The following RANBP9 variants were observed in gnomAD, a reference collection of about 807,000 sequenced individuals.
RANBP9 encodes the protein RAN binding protein 9, also known as ran-binding protein 9.
RANBP9 carries 15 observed loss-of-function variants against 84.3 expected under a neutral mutation model. The ratio of observed to expected loss-of-function variants is 0.18; its 90% CI spans 0.12 to 0.27. The LOEUF (loss-of-function observed/expected upper bound fraction) is 0.27, where lower values mean the gene tolerates loss of function less well. Among genes scored for constraint, RANBP9 ranks in the 10% least tolerant of loss-of-function variants. RANBP9 has a pLI of 1.00. For synonymous variants in RANBP9, 392 were observed against 349.6 expected, an observed-to-expected ratio of 1.12 and a Z score of -1.35; for missense variants, 809 against 912.8, an observed-to-expected ratio of 0.89 and a Z score of 1.46.
chr6:13,663,422 T>C (rs1379828972), intron 2 of RANBP9, among the ~76,000 whole-genome samples: 1 of 152,134 alleles, frequency 6.6e-6, no homozygotes. Context: ...CTTAAAAAAA[T>C]GCTCTTAATT....
chr6:13,639,601 T>C lies in RANBP9; in HGVS notation c.1487A>G (p.Asn496Ser). The change falls in exon 9 of 14, where the codon AAT becomes AGT. Residue 496 changes from asparagine (N) to serine (S), a missense_variant. Physicochemically the swap from Asn to Ser is conservative, Grantham distance 46. This residue lies in a region of RANBP9 where 216 missense variants were observed against 329.0 expected (regional missense o/e 0.66). Transcript: ENST00000011619. Reference protein sequence around the residue: ...MSPSHGMNIHNLASGKGSTAH... With the variant: ...MSPSHGMNIHSLASGKGSTAH... ...GGTGCTTCCTTTGCCTGATGCTAAATTGTGGATATTCATTCCATGGCTGGG... is the reference window on the plus strand; with the variant it reads ...GGTGCTTCCTTTGCCTGATGCTAAACTGTGGATATTCATTCCATGGCTGGG... 6.2e-7 allele frequency: 1 copy of C among 1,612,348 alleles called. No homozygotes were observed. The highest frequency in any genetic ancestry group is 2.2e-5 in the East Asian group (1 of 44,870).
At position 13,652,581 on chromosome 6, in the gene RANBP9, T is replaced by C. The variant is rs562885438; in HGVS notation, c.927+78A>G. ...TATCAATAAGACTGTATTTTAAACT[T>C]TCTAAATATGCCCAGTATCAGTTTC... On this transcript the variant is annotated intron_variant, in intron 5 of 13. Coordinates refer to ENST00000011619, the MANE Select transcript of RANBP9 (RefSeq NM_005493.3). 6 of 1,331,038 alleles carry C rather than the reference T, an allele frequency of 4.5e-6. No individual in the cohort carries two copies. In the South Asian group the frequency reaches 7.8e-5, roughly 17 times the overall value. 82.5% of individuals were successfully genotyped at this position (1,331,038 alleles called of 1,614,324 possible). A position where few individuals can be genotyped will look rare whatever the true frequency, so the allele number is the denominator to read the frequency against.
intron 2 of RANBP9, among the ~76,000 whole-genome samples, chr6:13,693,892 A>T (rs1014885842): frequency 2.0e-5 from 3 of 151,866 alleles, no homozygotes; most frequent in African/African-American, 7.3e-5. Context: ...AAAATACAAA[A>T]ATTAGCCAGG....
chr6:13,622,088 G>T lies in RANBP9; in HGVS notation c.*274C>A. 5 of 212,736 alleles carry T rather than the reference G, an allele frequency of 2.4e-5. No individual in the cohort carries two copies. Among genetic ancestry groups the T allele is most frequent in the Non-Finnish European group, 3.6e-5 (4 of 110,848 alleles). The allele number at this position is 212,736 out of a possible 1,614,324, so 13.2% of individuals were successfully genotyped here. A position where few individuals can be genotyped will look rare whatever the true frequency, so the allele number is the denominator to read the frequency against. On this transcript the variant is annotated 3_prime_UTR_variant, in exon 14 of 14. Transcript: ENST00000011619. ...GATTTTTGGTTTCTTTTAGGTAATT[G>T]TTTTAAAGGATTTGTGATGATCAAT... is the stretch of plus-strand genomic sequence containing the variant.
chr6:13,676,197 G>T (rs1335242185), intron 2 of RANBP9, among the ~76,000 whole-genome samples: 1 of 151,872 alleles, frequency 6.6e-6, no homozygotes, highest in Non-Finnish European at 1.5e-5. Context: ...TCCAATAAGG[G>T]TGTACGATAT....
chr6:13,663,729 A>G (rs1262839571), intron 2 of RANBP9, among the ~76,000 whole-genome samples: 2 of 152,174 alleles, frequency 1.3e-5, no homozygotes, highest in Middle Eastern at 3.2e-3. Context: ...ATAGTGTTTA[A>G]CCCAAGAACA....
chr6:13,696,000 G>C (rs1014977233), intron 2 of RANBP9, among the ~76,000 whole-genome samples: 1 of 151,170 alleles, frequency 6.6e-6, no homozygotes, highest in Non-Finnish European at 1.5e-5. Context: ...ACTGCTTTAA[G>C]AGACCTCTGA....
At chr6:13,648,585 A>C (rs181694823) in intron 5 of RANBP9, among the ~76,000 whole-genome samples, 46 of 152,350 alleles carry the variant, frequency 3.0e-4, no homozygotes, top group Non-Finnish European at 5.4e-4. Flanking sequence ...CTTTATGAAA[A>C]GAATAGGAAA....
rs567504334 is a variant in RANBP9 at position 13,622,586 on chromosome 6, T to G, written c.2060-94A>C. The G allele has an allele frequency of 3.1e-6, 4 of 1,299,680 alleles. No homozygotes were observed. In the African/African-American group the frequency reaches 6.0e-5, roughly 19 times the overall value. 80.5% of individuals were successfully genotyped at this position (1,299,680 alleles called of 1,614,324 possible). ...AGAATACTGCAATGACTTTAAAAAC[T>G]ACCACTCCCATACCACTCTGAAATA... On this transcript the variant is annotated intron_variant, in intron 13 of 13. Transcript: ENST00000011619.
chr6:13,697,685 T>TAGCATG (rs900542005), intron 1 of RANBP9, among the ~76,000 whole-genome samples: 5 of 152,082 alleles, frequency 3.3e-5, no homozygotes, highest in African/African-American at 9.7e-5. Flanking sequence ...CCTTGAAAGC[T>TAGCATG]AGCATGTAGA....
At chr6:13,708,776 C>T (rs1034860263) in intron 1 of RANBP9, among the ~76,000 whole-genome samples, 6 of 151,814 alleles carry the variant, frequency 4.0e-5, no homozygotes. Flanking sequence ...CGGCGTGGTC[C>T]TCTCACAAAA....
intron 1 of RANBP9, among the ~76,000 whole-genome samples, chr6:13,700,328 G>C (rs1757935201): frequency 1.3e-5 from 2 of 152,088 alleles, no homozygotes; most frequent in South Asian, 4.1e-4. Flanking sequence ...TTTGGCCTAG[G>C]AAAAAGACAC....
chr6:13,682,866 T>C (rs1156579184), intron 2 of RANBP9, among the ~76,000 whole-genome samples: 2 of 152,202 alleles, frequency 1.3e-5, no homozygotes, highest in African/African-American at 4.8e-5. Flanking sequence ...CTGCAACTCA[T>C]GAACTCACTT....
chr6:13,649,743 T>TA (rs1765253153), intron 5 of RANBP9, among the ~76,000 whole-genome samples: 1 of 152,176 alleles, frequency 6.6e-6, no homozygotes, highest in Non-Finnish European at 1.5e-5. Context: ...CACTGGCTAC[T>TA]ACTCCATTTC....
chr6:13,670,470 A>G (rs928846469), intron 2 of RANBP9, among the ~76,000 whole-genome samples: 4 of 152,114 alleles, frequency 2.6e-5, no homozygotes, highest in African/African-American at 9.7e-5. Flanking sequence ...TCTCTTAGAT[A>G]TGACATCAGA....
intron 2 of RANBP9, among the ~76,000 whole-genome samples, chr6:13,672,997 G>T (rs1765809361): frequency 6.6e-6 from 1 of 151,954 alleles, no homozygotes; most frequent in South Asian, 2.1e-4. Flanking sequence ...AAGTAATGAT[G>T]GTTGATGATT....
In RANBP9 at chr6:13,711,296, GT is replaced by G; in HGVS notation, c.209del (p.His70ProfsTer71). The G allele has an allele frequency of 2.0e-6, 2 of 1,025,148 alleles. No homozygotes were observed. Among genetic ancestry groups the G allele is most frequent in the Non-Finnish European group, 2.3e-6 (2 of 857,584 alleles). 63.5% of individuals were successfully genotyped at this position (1,025,148 alleles called of 1,614,324 possible). A position where few individuals can be genotyped will look rare whatever the true frequency, so the allele number is the denominator to read the frequency against. The stretch of plus-strand genomic sequence containing the variant: ...TGGCCGGGGGCGGCGGCGGCGGAGG[GT>G]GGAGGAGCAGGGCGGCCGCCGCGGC... Reference protein sequence around the residue: ...LGAAAAALLLHPPPPPPPATA... With the variant: ...LGAAAAALLLXPPPPPPPATA... On this transcript the variant is annotated frameshift_variant, in exon 1 of 14. Coordinates refer to ENST00000011619, the MANE Select transcript of RANBP9 (RefSeq NM_005493.3). LOFTEE classifies it high-confidence loss of function.
chr6:13,667,732 A>G (rs1765684213), intron 2 of RANBP9, among the ~76,000 whole-genome samples: 1 of 152,134 alleles, frequency 6.6e-6, no homozygotes, highest in Non-Finnish European at 1.5e-5. Flanking sequence ...ACCACACAAC[A>G]TGGCCTAGGT....
At chr6:13,661,007 C>T (rs1215032928) in intron 2 of RANBP9, among the ~76,000 whole-genome samples, 4 of 152,130 alleles carry the variant, frequency 2.6e-5, no homozygotes, top group African/African-American at 7.2e-5. Flanking sequence ...GCTCAAAGTT[C>T]CCCCTCCTCT....
Sources: gnomAD v4.1 joint callset for allele counts (sites outside exome capture counted in the v4.1 genomes callset) on GRCh38, gnomAD v4.1.1 for gene constraint, gnomAD v4.1.1 regional missense constraint, MANE v1.5 for transcripts, NCBI Gene and HGNC (gene_info 2026-07-23, HGNC 2026-07-21) for gene names.